SLC30A9: variants seen among roughly 807,000 people sequenced by gnomAD.
SLC30A9 encodes solute carrier family 30 member 9.
Under a neutral mutation model 87.5 loss-of-function variants are expected in SLC30A9, and 58 were observed. That is an observed-to-expected ratio of 0.66 (90% CI 0.54 to 0.82). SLC30A9 has a LOEUF of 0.82. SLC30A9 is among the 40% of genes least tolerant of loss of function. SLC30A9 has a pLI of 0.00. For missense variants in SLC30A9, 557 were observed against 679.1 expected (o/e 0.82, Z 2.00); for synonymous variants, 234 against 233.0 (o/e 1.00, Z -0.04).
At chr4:42,056,159 T>C (rs1367162319) in intron 9 of SLC30A9, among the ~76,000 whole-genome samples, 5 of 34,860 alleles carry the variant, frequency 1.4e-4, no homozygotes, top group African/African-American at 5.4e-4. Flanking sequence ...CACAGCCAAC[T>C]GAATATTAAG....
chr4:42,012,690 ATCTTTT>A (rs1715501442), intron 2 of SLC30A9, among the ~76,000 whole-genome samples: 2 of 152,184 alleles, frequency 1.3e-5, no homozygotes, highest in African/African-American at 2.4e-5. Flanking sequence ...CAAATAGTAG[ATCTTTT>A]TCTATTTTTT....
chr4:42,067,269 T>C (rs1291741999), intron 14 of SLC30A9, 77 bp downstream of exon 14: 3 of 879,100 alleles, frequency 3.4e-6, no homozygotes, highest in Admixed American at 3.8e-5. Context: ...TTTTCTCTTA[T>C]ATCATTGAAT....
chr4:42,069,277 C>T (rs1718208856), intron 14 of SLC30A9, among the ~76,000 whole-genome samples: 1 of 152,098 alleles, frequency 6.6e-6, no homozygotes, highest in African/African-American at 2.4e-5. Flanking sequence ...ATGTGTTTTA[C>T]ATGAATTAAA....
rs1305047558 is a variant in SLC30A9, at chr4:42,063,249, T to TCC, written c.1032+128_1032+129insCC. The stretch of plus-strand genomic sequence containing the variant: ...CCTTCTTGACTGTGTATTGTAGGGT[T>TCC]ATATATCTATAGTTTAATTTTTAGA... On this transcript the variant is annotated intron_variant, in intron 11 of 17. Transcript: ENST00000264451. 3.2e-5 allele frequency: 23 copies of TCC among 725,986 alleles called. 1 individual carries two copies. Among genetic ancestry groups the TCC allele is most frequent in the Admixed American group, 9.4e-5 (3 of 31,904 alleles). The allele number at this position is 725,986 out of a possible 1,614,324, so 45.0% of individuals were successfully genotyped here.
At chr4:42,038,037 G>C (rs1716765860) in intron 7 of SLC30A9, among the ~76,000 whole-genome samples, 1 of 152,086 alleles carries the variant, frequency 6.6e-6, no homozygotes, top group African/African-American at 2.4e-5. Context: ...CTCCCAAAGT[G>C]CTAGGATTAC....
chr4:42,076,615 A>G (rs1327186611), intron 16 of SLC30A9, among the ~76,000 whole-genome samples: 1 of 152,114 alleles, frequency 6.6e-6, no homozygotes, highest in Non-Finnish European at 1.5e-5. Flanking sequence ...TCCTATGAAT[A>G]TGCTGTAATT....
chr4:42,036,722 T>C (rs1184062481), intron 7 of SLC30A9, among the ~76,000 whole-genome samples: 3 of 152,238 alleles, frequency 2.0e-5, no homozygotes, highest in African/African-American at 7.2e-5. Flanking sequence ...ATTTATTATC[T>C]TCAAGACCTC....
chr4:42,082,203 C>G (rs1394600463), intron 17 of SLC30A9, among the ~76,000 whole-genome samples: 1 of 147,492 alleles, frequency 6.8e-6, no homozygotes, highest in Admixed American at 6.8e-5. Context: ...GGTGACAAAC[C>G]GAGACTCCGT....
rs112359149 is a variant in SLC30A9 at position 42,005,933 on chromosome 4, G to A, written c.274+4153G>A. 9.0e-3 allele frequency among the ~76,000 whole-genome samples: 1,369 copies of A among 152,226 alleles called. 22 individuals are homozygous for A. Among genetic ancestry groups the A allele is most frequent in the African/African-American group, 0.032 (1,316 of 41,536 alleles). ...AACAAATATTGTATTGTAACATTTA[G>A]CCCTGTATTCATGTGTTCAGCATCT... On this transcript the variant is annotated intron_variant, in intron 2 of 17. Transcript: ENST00000264451.
At chr4:42,000,191 A>G (rs17530044) in intron 1 of SLC30A9, among the ~76,000 whole-genome samples, 7,329 of 152,044 alleles carry the variant, frequency 0.048, 247 homozygotes, top group African/African-American at 0.077. Context: ...TCCCTCTTTA[A>G]ACATCTTAGC....
chr4:42,051,656 C>G (rs1305544645), intron 9 of SLC30A9, among the ~76,000 whole-genome samples: 2 of 152,030 alleles, frequency 1.3e-5, no homozygotes, highest in Non-Finnish European at 2.9e-5. Context: ...GCAGGTAAAA[C>G]AGTCAGTGAA....
At chr4:42,014,338 C>A (rs912142288) in intron 2 of SLC30A9, among the ~76,000 whole-genome samples, 21 of 152,090 alleles carry the variant, frequency 1.4e-4, no homozygotes, top group Non-Finnish European at 2.9e-4. Context: ...CCTCAAAAAA[C>A]CAAAAATAGA....
intron 2 of SLC30A9, among the ~76,000 whole-genome samples, chr4:42,010,515 G>GT (rs1715393907): frequency 6.6e-6 from 1 of 152,072 alleles, no homozygotes; most frequent in African/African-American, 2.4e-5. Context: ...CACACACACA[G>GT]TATTTGGTCA....
At chr4:42,001,505 A>G (rs1714982107) in intron 1 of SLC30A9, 111 bp from the exon 2 acceptor site, 3 of 542,760 alleles carry the variant, frequency 5.5e-6, no homozygotes, top group Non-Finnish European at 3.3e-6. Flanking sequence ...ACAAAATGGT[A>G]TTTCATGTGT....
chr4:42,079,610 T>TG (rs1233357059), intron 17 of SLC30A9, among the ~76,000 whole-genome samples: 4 of 148,764 alleles, frequency 2.7e-5, no homozygotes, highest in Admixed American at 2.0e-4. Context: ...AGTCACATTT[T>TG]TTTTTTTTTT....
chr4:42,014,474 T>G (rs948541483), intron 2 of SLC30A9, among the ~76,000 whole-genome samples: 1 of 151,998 alleles, frequency 6.6e-6, no homozygotes, highest in Non-Finnish European at 1.5e-5. Context: ...GGAGAATTGC[T>G]TGAACCCAGG....
Position 42,035,747 on chromosome 4 carries a change from C to T in SLC30A9, c.669+414C>T, listed in dbSNP as rs564043498. Among the ~76,000 whole-genome samples the T allele has an allele frequency of 1.8e-4, 26 of 144,154 alleles. 1 individual carries two copies. The highest frequency in any genetic ancestry group is 5.4e-4 in the African/African-American group (22 of 40,910). The allele number at this position is 144,154 out of a possible 152,430, so 94.6% of individuals were successfully genotyped here. ...CTGACCTCAGGTGATGCGCCTGCCTCGGCCTCCCAAAGTGTTGGGATTACA... is the reference window on the plus strand; with the variant it reads ...CTGACCTCAGGTGATGCGCCTGCCTTGGCCTCCCAAAGTGTTGGGATTACA... On this transcript the variant is annotated intron_variant, in intron 7 of 17. Transcript: ENST00000264451.
chr4:42,079,143 G>A (rs557252543), intron 17 of SLC30A9, among the ~76,000 whole-genome samples: 16 of 151,842 alleles, frequency 1.1e-4, no homozygotes, highest in Non-Finnish European at 2.1e-4. Context: ...GTCTTAAGAC[G>A]CTTTCATTCT....
Position 41,990,641 on chromosome 4 carries a change from G to A in SLC30A9, c.-11G>A. 7.6e-6 allele frequency: 12 copies of A among 1,574,876 alleles called. No individual in the cohort carries two copies. Among genetic ancestry groups the A allele is most frequent in the Non-Finnish European group, 1.0e-5 (12 of 1,148,618 alleles). On this transcript the variant is annotated 5_prime_UTR_variant, in exon 1 of 18. Transcript: ENST00000264451. ...AGGCGGTGTCCGAGTAGGGGCCTCTGCCCCACCAGGATGTTACCCGGCTTG... is the reference window on the plus strand; with the variant it reads ...AGGCGGTGTCCGAGTAGGGGCCTCTACCCCACCAGGATGTTACCCGGCTTG...
Sources: allele counts gnomAD v4.1 joint callset (sites outside exome capture counted in the v4.1 genomes callset), GRCh38; gene constraint gnomAD v4.1.1; transcripts MANE v1.5; gene names NCBI Gene and HGNC (gene_info 2026-07-23, HGNC 2026-07-21).